Variants in CDK14 observed in about 807,000 individuals in gnomAD.
The protein encoded by CDK14 is cyclin dependent kinase 14, also known as cyclin-dependent kinase 14.
CDK14 carries 34 observed loss-of-function variants against 60.7 expected under a neutral mutation model. The observed-to-expected ratio is 0.56, with a 90% CI of 0.43 to 0.75. CDK14 has a LOEUF of 0.75. Among genes scored for constraint, CDK14 ranks in the 30% least tolerant of loss-of-function variants. The probability of loss-of-function intolerance (pLI) is 0.00; values close to 1 mark genes in which losing one functional copy is unlikely to be tolerated. For synonymous variants in CDK14, 197 were observed against 203.7 expected, an observed-to-expected ratio of 0.97 and a Z score of 0.28; for missense variants, 482 against 564.1, an observed-to-expected ratio of 0.85 and a Z score of 1.47.
intron 2 of CDK14, chr7:90,709,351 T>A (rs1801976158): frequency 3.2e-6 from 4 of 1,244,586 alleles, no homozygotes. Flanking sequence ...GGACACTTAC[T>A]GGCTTTCTCC....
At chr7:90,722,893 G>A (rs949497196) in intron 2 of CDK14, among the ~76,000 whole-genome samples, 1 of 152,190 alleles carries the variant, frequency 6.6e-6, no homozygotes, top group African/African-American at 2.4e-5. Flanking sequence ...AAAGCCATCA[G>A]AATTTCTAAT....
At chr7:90,744,845 G>GA (rs1803528241) in intron 3 of CDK14, among the ~76,000 whole-genome samples, 1 of 142,894 alleles carries the variant, frequency 7.0e-6, no homozygotes, top group African/African-American at 2.6e-5. Context: ...CCCGGACGGG[G>GA]GCTGACCCCC....
intron 2 of CDK14, among the ~76,000 whole-genome samples, chr7:90,618,516 T>G (rs1401125943): frequency 6.6e-6 from 1 of 152,170 alleles, no homozygotes; most frequent in African/African-American, 2.4e-5. Flanking sequence ...ATGACCCAGG[T>G]GCTGGGTCCA....
intron 2 of CDK14, among the ~76,000 whole-genome samples, chr7:90,662,205 A>C (rs925040954): frequency 6.6e-6 from 1 of 152,224 alleles, no homozygotes; most frequent in African/African-American, 2.4e-5. Context: ...TTAGAACTGA[A>C]AGAAATTCTG....
At chr7:90,709,018 A>G (rs1801967155) in intron 2 of CDK14, among the ~76,000 whole-genome samples, 1 of 152,096 alleles carries the variant, frequency 6.6e-6, no homozygotes, top group Admixed American at 6.6e-5. Flanking sequence ...CAATTTGCCT[A>G]AGGGTTGTGA....
rs755219453 is a variant in CDK14 at position 91,100,380 on chromosome 7, A to T, written c.1155-12162A>T. Among the ~76,000 whole-genome samples the T allele has an allele frequency of 2.4e-4, 36 of 152,358 alleles. No individual in the cohort carries two copies. The Middle Eastern group carries it at 0.014, about 58-fold the overall frequency. On this transcript the variant is annotated intron_variant, in intron 12 of 14. Transcript: ENST00000380050. ...TTAAAGTGGAAGCTCTGCAAAAGCA[A>T]TGTAGTGAAGCAGTTACCTTATTCT...
chr7:91,076,071 C>T (rs1798302224), intron 11 of CDK14, among the ~76,000 whole-genome samples: 1 of 151,320 alleles, frequency 6.6e-6, no homozygotes, highest in Non-Finnish European at 1.5e-5. Context: ...TCAAAGCTAT[C>T]CCCATCAAGC....
intron 12 of CDK14, among the ~76,000 whole-genome samples, chr7:91,097,543 C>G (rs894010962): frequency 1.3e-5 from 2 of 151,184 alleles, no homozygotes; most frequent in African/African-American, 4.9e-5. Context: ...TGTATACATT[C>G]CAGGATTTTC....
At chr7:91,180,337 G>C (rs1398160825) in intron 14 of CDK14, among the ~76,000 whole-genome samples, 3 of 152,128 alleles carry the variant, frequency 2.0e-5, no homozygotes, top group Admixed American at 2.0e-4. Flanking sequence ...AATTTGTGCT[G>C]GGTCTATTAA....
At chr7:91,029,387 G>C (rs1412875423) in intron 10 of CDK14, among the ~76,000 whole-genome samples, 1 of 151,822 alleles carries the variant, frequency 6.6e-6, no homozygotes, top group Admixed American at 6.6e-5. Flanking sequence ...GAATTGCATT[G>C]ACTCTATGGA....
intron 11 of CDK14, among the ~76,000 whole-genome samples, chr7:91,058,410 C>A (rs1377988691): frequency 2.0e-5 from 3 of 152,164 alleles, no homozygotes; most frequent in Non-Finnish European, 4.4e-5. Context: ...CCTTCCCCTG[C>A]CTGATTGCCC....
rs372163050 is a variant in CDK14, at chr7:90,955,831, G to A, written c.947+14G>A. ...CCTTGACATGTGGTGAGAAATGGAA[G>A]CTTTACTCTAGCTAATCTATCTGTA... On this transcript the variant is annotated intron_variant, in intron 9 of 14. Coordinates refer to ENST00000380050, the MANE Select transcript of CDK14 (RefSeq NM_001287135.2). The A allele has an allele frequency of 8.7e-6, 14 of 1,611,912 alleles. No individual in the cohort carries two copies. In the African/African-American group the frequency reaches 1.5e-4, roughly 17 times the overall value.
chr7:91,080,369 A>G (rs967178091), intron 12 of CDK14, among the ~76,000 whole-genome samples: 2 of 152,186 alleles, frequency 1.3e-5, no homozygotes, highest in African/African-American at 4.8e-5. Context: ...ATGGCGAGGA[A>G]CTCATGAAAT....
In CDK14 at chr7:90,596,549, C is replaced by T. The variant is rs1448443393; in HGVS notation, c.-79C>T. On this transcript the variant is annotated 5_prime_UTR_variant, in exon 1 of 15. Transcript: ENST00000380050. ...GGTGGAGGAGGAGGCGCCGCTTTCC[C>T]CGCGGCGCGCGCCCTCGCCGTTGTC... 6.3e-6 allele frequency: 8 copies of T among 1,272,950 alleles called. No individual in the cohort carries two copies. In the East Asian group the frequency reaches 1.7e-4, roughly 27 times the overall value. 78.9% of individuals were successfully genotyped at this position (1,272,950 alleles called of 1,614,324 possible). A position where few individuals can be genotyped will look rare whatever the true frequency, so the allele number is the denominator to read the frequency against.
chr7:90,822,565 C>T (rs370089833), intron 5 of CDK14, among the ~76,000 whole-genome samples: 6 of 152,242 alleles, frequency 3.9e-5, no homozygotes, highest in African/African-American at 1.4e-4. Flanking sequence ...ACTCCTTTTG[C>T]TGCCCAGTAA....
intron 2 of CDK14, among the ~76,000 whole-genome samples, chr7:90,679,533 A>G (rs1189362686): frequency 6.6e-6 from 1 of 152,194 alleles, no homozygotes; most frequent in Admixed American, 6.5e-5. Context: ...TGTCTATCAT[A>G]TATTCCTTCC....
At chr7:90,957,272 A>G (rs1404532206) in intron 9 of CDK14, among the ~76,000 whole-genome samples, 10 of 152,026 alleles carry the variant, frequency 6.6e-5, no homozygotes, top group Admixed American at 5.2e-4. Context: ...CCTCTCCAGC[A>G]CCTGTTGTTT....
chr7:90,692,951 T>A (rs1018158072), intron 2 of CDK14, among the ~76,000 whole-genome samples: 2 of 151,566 alleles, frequency 1.3e-5, no homozygotes, highest in African/African-American at 4.9e-5. Context: ...AAAAAAAAAA[T>A]TCTCCCTGGA....
Position 90,596,515 on chromosome 7 carries a change from C to G in CDK14, c.-113C>G, listed in dbSNP as rs1403451347. On this transcript the variant is annotated 5_prime_UTR_variant, in exon 1 of 15. Transcript: ENST00000380050. ...ACCTGCGCGTCGCTTCCCGGCCCGC[C>G]GAGGAGGTGGTGGAGGAGGAGGCGC... 1.9e-4 allele frequency: 154 copies of G among 818,718 alleles called. 1 individual carries two copies. The highest frequency in any genetic ancestry group is 2.8e-5 in the Non-Finnish European group (14 of 501,214). The allele number at this position is 818,718 out of a possible 1,614,324, so 50.7% of individuals were successfully genotyped here. A position where few individuals can be genotyped will look rare whatever the true frequency, so the allele number is the denominator to read the frequency against.
Sources: allele counts gnomAD v4.1 joint callset (sites outside exome capture counted in the v4.1 genomes callset), GRCh38; gene constraint gnomAD v4.1.1; transcripts MANE v1.5; gene names NCBI Gene and HGNC (gene_info 2026-07-23, HGNC 2026-07-21).